Variants in AFG3L2 observed in about 807,000 individuals in gnomAD.
The protein encoded by AFG3L2 is mitochondrial inner membrane m-AAA protease component AFG3L2.
In AFG3L2, 54 loss-of-function variants were observed where a neutral mutation model predicts 94.5. The observed-to-expected ratio is 0.57, with a 90% CI of 0.46 to 0.72. The LOEUF is 0.72. Among genes scored for constraint, AFG3L2 ranks in the 30% least tolerant of loss-of-function variants. The pLI is 0.00. For synonymous variants in AFG3L2, 377 were observed against 365.5 expected (o/e 1.03, Z -0.36); for missense variants, 754 against 994.9 (o/e 0.76, Z 3.26).
At chr18:12,347,474 G>T (rs548249184) in intron 13 of AFG3L2, among the ~76,000 whole-genome samples, 15 of 152,242 alleles carry the variant, frequency 9.9e-5, no homozygotes, top group African/African-American at 3.1e-4. Flanking sequence ...AACGCACTGT[G>T]TGCGCTCCCC....
In AFG3L2 at chr18:12,334,204, C is replaced by G. The variant is rs9962240; in HGVS notation, c.2175+3137G>C. ...CTGGCTGGCTCTGCAGTATTCTGCACGTGGCTCATTCTCTCTGATGGACCA... is the reference window on the plus strand; with the variant it reads ...CTGGCTGGCTCTGCAGTATTCTGCAGGTGGCTCATTCTCTCTGATGGACCA... On this transcript the variant is annotated intron_variant, in intron 16 of 16. Transcript: ENST00000269143. 3.9e-3 allele frequency among the ~76,000 whole-genome samples: 594 copies of G among 152,326 alleles called. 7 individuals are homozygous for G. Among genetic ancestry groups the G allele is most frequent in the African/African-American group, 0.014 (567 of 41,554 alleles).
At chr18:12,356,567 A>G (rs1908502121) in intron 9 of AFG3L2, 127 bp downstream of exon 9, 34 of 1,372,614 alleles carry the variant, frequency 2.5e-5, no homozygotes, top group South Asian at 1.2e-4. Context: ...AGGAGAGCTC[A>G]GGCCAGGGAC....
intron 16 of AFG3L2, among the ~76,000 whole-genome samples, chr18:12,335,913 G>C (rs1448189055): frequency 6.6e-6 from 1 of 152,180 alleles, no homozygotes; most frequent in Non-Finnish European, 1.5e-5. Flanking sequence ...CTAACATAGG[G>C]GTTATAGTCG....
intron 16 of AFG3L2, among the ~76,000 whole-genome samples, chr18:12,335,401 G>A (rs1267386424): frequency 1.3e-5 from 2 of 152,036 alleles, no homozygotes; most frequent in Non-Finnish European, 2.9e-5. Context: ...CAAAAATCAA[G>A]AATGCGACCA....
chr18:12,376,947 C>T (rs1408642672), intron 1 of AFG3L2, 22 bp downstream of exon 1: 1 of 1,412,246 alleles, frequency 7.1e-7, no homozygotes, highest in East Asian at 3.1e-5. Context: ...TGGAGGGCGC[C>T]GGGCGCCCAG....
At chr18:12,352,924 A>G (rs939445175) in intron 10 of AFG3L2, 81 bp downstream of exon 10, 60 of 1,585,952 alleles carry the variant, frequency 3.8e-5, no homozygotes, top group Non-Finnish European at 4.9e-5. Context: ...CACTCACTTC[A>G]GCCTGGACGA....
chr18:12,329,572 G>C lies in AFG3L2; in HGVS notation c.2387C>G (p.Ala796Gly), dbSNP rs747587382. 1 of 1,613,824 alleles carries C rather than the reference G, an allele frequency of 6.2e-7. No individual in the cohort carries two copies. The highest frequency in any genetic ancestry group is 1.1e-5 in the South Asian group (1 of 91,056). The change falls in exon 17 of 17, where the codon GCC becomes GGC. Residue 796 changes from alanine to glycine, a missense_variant. Ala to Gly is a moderately conservative substitution (Grantham distance 60). Around this residue, in one of 4 missense-constraint regions of AFG3L2, gnomAD observed 279 missense variants for 378.6 expected, o/e 0.74. Coordinates refer to ENST00000269143, the MANE Select transcript of AFG3L2 (RefSeq NM_006796.3). ...TGGCCTCCCTCTGGGCCTCTAGTTGGCAACTTTCTCACCCGGGGGCTCCTC... is the reference window on the plus strand; with the variant it reads ...TGGCCTCCCTCTGGGCCTCTAGTTGCCAACTTTCTCACCCGGGGGCTCCTC... The part of the protein sequence containing the change: ...EKEEPPGEKV[A>G]N
intron 14 of AFG3L2, chr18:12,340,890 GCTTCA>G (rs1907929778): frequency 6.4e-6 from 1 of 156,944 alleles, no homozygotes; most frequent in Non-Finnish European, 1.4e-5. Context: ...ACCACGTCCA[GCTTCA>G]CCTTAGAATT....
chr18:12,375,523 C>A (rs1909126946), intron 1 of AFG3L2, among the ~76,000 whole-genome samples: 1 of 148,588 alleles, frequency 6.7e-6, no homozygotes, highest in Admixed American at 6.7e-5. Context: ...GAGTTCCAGG[C>A]CAGCCTGGGC....
chr18:12,375,389 A>T (rs963863365), intron 1 of AFG3L2, among the ~76,000 whole-genome samples: 2 of 149,864 alleles, frequency 1.3e-5, no homozygotes, highest in African/African-American at 4.9e-5. Context: ...GACTATAGTC[A>T]TAAGTCACTG....
At chr18:12,361,478 C>G (rs1477535553) in intron 6 of AFG3L2, among the ~76,000 whole-genome samples, 1 of 152,068 alleles carries the variant, frequency 6.6e-6, no homozygotes, top group Admixed American at 6.6e-5. Flanking sequence ...GAAACCCCGT[C>G]TCTACTAAAA....
intron 16 of AFG3L2, 135 bp from the exon 17 acceptor site, chr18:12,329,918 T>C (rs1046457307): frequency 1.9e-5 from 15 of 780,410 alleles, no homozygotes; most frequent in South Asian, 1.3e-4. Context: ...ATACATAAGG[T>C]TGCATAGTTT....
rs112397313 is a variant in AFG3L2, at chr18:12,330,056, C to T, written c.2176-273G>A. On this transcript the variant is annotated intron_variant, in intron 16 of 16. Transcript: ENST00000269143. ...CATCTATAATGAGGAGGAAGCTGGC[C>T]GGGCGCGGTAGCTCGCGCCTGTAAT... is the stretch of plus-strand genomic sequence containing the variant. 0.017 allele frequency among the ~76,000 whole-genome samples: 2,657 copies of T among 152,366 alleles called. 58 individuals carry two copies. The highest frequency in any genetic ancestry group is 0.06 in the African/African-American group (2,480 of 41,584).
intron 16 of AFG3L2, among the ~76,000 whole-genome samples, chr18:12,336,469 C>T (rs920395003): frequency 6.6e-6 from 1 of 152,198 alleles, no homozygotes; most frequent in Non-Finnish European, 1.5e-5. Flanking sequence ...TTCCTCACTC[C>T]CTGGCCCTTA....
At chr18:12,336,503 CCCTGGTCT>C (rs771693780) in intron 16 of AFG3L2, among the ~76,000 whole-genome samples, 13 of 152,172 alleles carry the variant, frequency 8.5e-5, no homozygotes, top group Non-Finnish European at 1.6e-4. Context: ...CCTTGAAAAA[CCCTGGTCT>C]CCAAGGAGAC....
chr18:12,343,373 T>C (rs986870855), intron 14 of AFG3L2: 2 of 152,424 alleles, frequency 1.3e-5, no homozygotes, highest in African/African-American at 4.8e-5. Flanking sequence ...GACACTCTAA[T>C]GTTGTCTTCT....
At chr18:12,361,604 G>A (rs767871482) in intron 6 of AFG3L2, among the ~76,000 whole-genome samples, 34 of 152,226 alleles carry the variant, frequency 2.2e-4, no homozygotes, top group Admixed American at 7.9e-4. Flanking sequence ...CCAAGATCGC[G>A]CCACTGCACT....
chr18:12,375,488 A>G (rs562467031), intron 1 of AFG3L2, among the ~76,000 whole-genome samples: 1 of 150,640 alleles, frequency 6.6e-6, no homozygotes, highest in African/African-American at 2.4e-5. Context: ...TGAGAGGAGG[A>G]GGCGGGAGGA....
chr18:12,376,390 G>A (rs1446209979), intron 1 of AFG3L2, among the ~76,000 whole-genome samples: 4 of 152,216 alleles, frequency 2.6e-5, no homozygotes, highest in Non-Finnish European at 1.5e-5. Flanking sequence ...TATCTAGAGG[G>A]ATGGCTACCA....
Sources: allele counts gnomAD v4.1 joint callset (sites outside exome capture counted in the v4.1 genomes callset), GRCh38; gene constraint gnomAD v4.1.1; regional missense constraint gnomAD v4.1.1; transcripts MANE v1.5; gene names NCBI Gene and HGNC (gene_info 2026-07-23, HGNC 2026-07-21).